The following NAV3 variants were observed in gnomAD, a reference collection of about 807,000 sequenced individuals.
The protein encoded by NAV3 is pore membrane and/or filament interacting like protein 1.
A neutral mutation model predicts 244.7 loss-of-function variants in NAV3; 87 were observed. That is an observed-to-expected ratio of 0.36 (90% CI 0.30 to 0.42). NAV3 has a LOEUF of 0.42. NAV3 is among the 20% of genes least tolerant of loss of function. The pLI is 1.00. For missense variants in NAV3, 2,663 were observed against 2,893.3 expected (o/e 0.92, Z 1.83); for synonymous variants, 1,126 against 1,042.2 (o/e 1.08, Z -1.55).
chr12:77,945,527 G>T (rs1016604775), intron 3 of NAV3, among the ~76,000 whole-genome samples: 6 of 152,050 alleles, frequency 3.9e-5, no homozygotes, highest in Non-Finnish European at 8.8e-5. Flanking sequence ...GTTCTGTAGG[G>T]TATAATGTAC....
Position 78,140,310 on chromosome 12 carries a change from C to A in NAV3, c.4659C>A (p.Ser1553=). The part of the protein sequence containing the change: ...EVHGSSLSLV[S]STSSLYSTAE... ...ATGGCTCTTCATTATCACTGGTGTC[C>A]AGCACTTCTTCTCTTTACTCTACAG... Residue 1553 remains serine, a synonymous_variant, in exon 20 of 40, where the codon TCC becomes TCA. Transcript: ENST00000397909. 6.2e-7 allele frequency: 1 copy of A among 1,613,418 alleles called. No homozygotes were observed. The highest frequency in any genetic ancestry group is 8.5e-7 in the Non-Finnish European group (1 of 1,179,644).
chr12:77,688,595 G>A (rs1019459576), intron 2 of NAV3, among the ~76,000 whole-genome samples: 16 of 151,992 alleles, frequency 1.1e-4, no homozygotes, highest in Non-Finnish European at 2.1e-4. Flanking sequence ...ATGACTAAGA[G>A]GGTGGAATAG....
At chr12:77,625,114 A>T (rs1444289433) in intron 2 of NAV3, among the ~76,000 whole-genome samples, 1 of 152,188 alleles carries the variant, frequency 6.6e-6, no homozygotes, top group Non-Finnish European at 1.5e-5. Context: ...AATGGTAAAA[A>T]TATTTGCATT....
intron 39 of NAV3, among the ~76,000 whole-genome samples, chr12:78,208,203 G>A (rs930861921): frequency 1.3e-5 from 2 of 152,074 alleles, no homozygotes; most frequent in Admixed American, 6.6e-5. Context: ...GTCACATGGT[G>A]AGAAAAGAAG....
chr12:78,004,487 A>T (rs769259131), intron 7 of NAV3, among the ~76,000 whole-genome samples: 77 of 152,342 alleles, frequency 5.1e-4, no homozygotes, highest in Non-Finnish European at 8.4e-4. Context: ...TGCATTAGAA[A>T]TCTGTTATTT....
rs562583763 is a variant in NAV3, at chr12:78,162,692, C to A, written c.4869+3406C>A. Among the ~76,000 whole-genome samples the A allele has an allele frequency of 2.7e-5, 4 of 150,512 alleles. No homozygotes were observed. In the Admixed American group the frequency reaches 2.7e-4, roughly 10 times the overall value. ...CAGCCTGGCCAACATAGTGAAACCC[C>A]ATCTCTACTAGAAACAAAAATTAGC... is the stretch of plus-strand genomic sequence containing the variant. On this transcript the variant is annotated intron_variant, in intron 23 of 39. Coordinates refer to ENST00000397909, the MANE Select transcript of NAV3 (RefSeq NM_001024383.2).
chr12:77,582,742 G>A (rs1289837557), intron 2 of NAV3, among the ~76,000 whole-genome samples: 1 of 152,140 alleles, frequency 6.6e-6, no homozygotes, highest in African/African-American at 2.4e-5. Flanking sequence ...GAGCCACCTT[G>A]CTCTCCTGTA....
At chr12:78,051,464 CAGG>C (rs1882750568) in intron 11 of NAV3, among the ~76,000 whole-genome samples, 2 of 152,110 alleles carry the variant, frequency 1.3e-5, no homozygotes, top group Admixed American at 6.5e-5. Flanking sequence ...GGGAAGGAGA[CAGG>C]AGGAGTTTTG....
At chr12:77,985,950 T>A (rs1268836521) in intron 5 of NAV3, among the ~76,000 whole-genome samples, 1 of 152,228 alleles carries the variant, frequency 6.6e-6, no homozygotes, top group African/African-American at 2.4e-5. Context: ...AAATTAGTAT[T>A]TCTTCCGAAA....
intron 8 of NAV3, among the ~76,000 whole-genome samples, chr12:78,009,991 G>C (rs148847972): frequency 0.016 from 2,382 of 152,214 alleles, 50 homozygotes; most frequent in South Asian, 0.089. Context: ...AAGGTGGGAG[G>C]ATGACTTGAG....
chr12:78,190,246 G>C (rs1451863225), intron 34 of NAV3, 27 bp downstream of exon 34: 1 of 1,561,084 alleles, frequency 6.4e-7, no homozygotes, highest in Admixed American at 1.7e-5. Flanking sequence ...TAAGAGAACA[G>C]CTACAATTTA....
intron 2 of NAV3, among the ~76,000 whole-genome samples, chr12:77,707,816 A>G (rs1175257888): frequency 4.6e-5 from 7 of 152,168 alleles, no homozygotes; most frequent in African/African-American, 1.7e-4. Context: ...TGGCCAGTGA[A>G]GGTGAGCATT....
chr12:77,785,530 T>G (rs926075864), intron 2 of NAV3, among the ~76,000 whole-genome samples: 1 of 152,076 alleles, frequency 6.6e-6, no homozygotes, highest in Non-Finnish European at 1.5e-5. Context: ...AAAGTAACCT[T>G]CCAGGAGATT....
intron 1 of NAV3, among the ~76,000 whole-genome samples, chr12:77,890,567 G>A (rs1409516582): frequency 1.3e-5 from 2 of 152,114 alleles, no homozygotes; most frequent in Non-Finnish European, 2.9e-5. Context: ...GTTATCAATA[G>A]TTGTTTCCAT....
At chr12:78,087,727 C>T (rs1268727491) in intron 12 of NAV3, among the ~76,000 whole-genome samples, 3 of 151,808 alleles carry the variant, frequency 2.0e-5, no homozygotes, top group African/African-American at 4.8e-5. Context: ...TATACATATT[C>T]CTTCAGTGTT....
chr12:77,789,515 A>C (rs1871075917), intron 2 of NAV3, among the ~76,000 whole-genome samples: 2 of 152,090 alleles, frequency 1.3e-5, no homozygotes, highest in African/African-American at 4.8e-5. Context: ...AGCTAAAAAA[A>C]AAAAAAAAGT....
At chr12:78,080,615 G>T (rs999894680) in intron 12 of NAV3, among the ~76,000 whole-genome samples, 5 of 151,982 alleles carry the variant, frequency 3.3e-5, no homozygotes, top group Admixed American at 2.0e-4. Context: ...TTTAATTTCT[G>T]TCTAAAATAG....
chr12:78,075,584 G>A (rs546190621), intron 12 of NAV3, among the ~76,000 whole-genome samples: 1 of 152,204 alleles, frequency 6.6e-6, no homozygotes, highest in South Asian at 2.1e-4. Context: ...ATGCAAAGAT[G>A]GACTAGCACA....
intron 2 of NAV3, among the ~76,000 whole-genome samples, chr12:77,822,891 G>C (rs1872805383): frequency 1.3e-5 from 2 of 151,990 alleles, no homozygotes. Flanking sequence ...TTTCAGAATG[G>C]ATTGGAAAAA....
Sources: gnomAD v4.1 joint callset for allele counts (sites outside exome capture counted in the v4.1 genomes callset) on GRCh38, gnomAD v4.1.1 for gene constraint, MANE v1.5 for transcripts, NCBI Gene and HGNC (gene_info 2026-07-23, HGNC 2026-07-21) for gene names.